The following BDP1 variants were observed in gnomAD, a reference collection of about 807,000 sequenced individuals.
The protein encoded by BDP1 is transcription factor TFIIIB component B'' homolog.
In BDP1, 169 loss-of-function variants were observed where a neutral mutation model predicts 266.6. The ratio of observed to expected loss-of-function variants is 0.63; its 90% CI spans 0.56 to 0.72. BDP1 has a LOEUF of 0.72. Ranked by LOEUF, BDP1 falls within the 30% of genes least tolerant of loss-of-function variation. The probability of loss-of-function intolerance (pLI) is 0.00; values close to 1 mark genes in which losing one functional copy is unlikely to be tolerated. For synonymous variants in BDP1, 1,090 were observed against 1,022.4 expected, an observed-to-expected ratio of 1.07 and a Z score of -1.26; for missense variants, 3,015 against 3,053.8, an observed-to-expected ratio of 0.99 and a Z score of 0.30.
chr5:71,467,579 A>G, intron 6 of BDP1, 92 bp downstream of exon 6: 1 of 1,044,336 alleles, frequency 9.6e-7, no homozygotes, highest in Non-Finnish European at 1.4e-6. Flanking sequence ...AAGTACATAA[A>G]ATGCAAACTA....
intron 32 of BDP1, among the ~76,000 whole-genome samples, chr5:71,546,772 A>G (rs1742349638): frequency 6.6e-6 from 1 of 152,124 alleles, no homozygotes; most frequent in Non-Finnish European, 1.5e-5. Flanking sequence ...TTACTACACT[A>G]TTTAACATTG....
intron 34 of BDP1, among the ~76,000 whole-genome samples, chr5:71,552,555 C>T (rs991448103): frequency 4.6e-5 from 7 of 152,260 alleles, no homozygotes; most frequent in Non-Finnish European, 8.8e-5. Context: ...AACAAGACTC[C>T]GTCTGCAATC....
rs1010007700 is a variant in BDP1 at position 71,551,698 on chromosome 5, G to T, written c.6996-1418G>T. Among the ~76,000 whole-genome samples the T allele has an allele frequency of 2.0e-5, 3 of 151,722 alleles. No homozygotes were observed. The East Asian group carries it at 5.9e-4, about 30-fold the overall frequency. On this transcript the variant is annotated intron_variant, in intron 34 of 38. Coordinates refer to ENST00000358731, the MANE Select transcript of BDP1 (RefSeq NM_018429.3). ...CCAGCAGGGGCGGCCGGGCAGAGGC[G>T]CCCCTCACTTCCCAGCAGGGGCGGC...
intron 36 of BDP1, among the ~76,000 whole-genome samples, chr5:71,557,137 A>G (rs1743274908): frequency 6.6e-6 from 1 of 152,190 alleles, no homozygotes; most frequent in African/African-American, 2.4e-5. Context: ...GTTGAAGACT[A>G]TGTGGCTACA....
intron 11 of BDP1, among the ~76,000 whole-genome samples, chr5:71,493,252 A>G (rs976330518): frequency 6.6e-6 from 1 of 152,164 alleles, no homozygotes; most frequent in African/African-American, 2.4e-5. Context: ...GACTTTTTCT[A>G]ATTTTTAAAA....
At chr5:71,572,427 G>A (rs1028127076), downstream of BDP1, among the ~76,000 whole-genome samples, 1 of 152,202 alleles carries the variant, frequency 6.6e-6, no homozygotes, top group Non-Finnish European at 1.5e-5. Flanking sequence ...AAGAATGTCT[G>A]CTAGAGCAGA....
chr5:71,563,475 G>A (rs1166301212), intron 38 of BDP1, among the ~76,000 whole-genome samples: 1 of 152,038 alleles, frequency 6.6e-6, no homozygotes, highest in Non-Finnish European at 1.5e-5. Context: ...AAGGCCCTTT[G>A]TGATAAAGAT....
rs1764457093 is a variant in BDP1 at position 71,504,516 on chromosome 5, T to A, written c.2242-105T>A. 7.1e-6 allele frequency: 7 copies of A among 986,826 alleles called. No homozygotes were observed. In the South Asian group the frequency reaches 1.1e-4, roughly 15 times the overall value. 61.1% of individuals were successfully genotyped at this position (986,826 alleles called of 1,614,324 possible). ...GTATTTTAAAGTCTCCATTTTATAA[T>A]GTTGAATTTTTTACCATTTTATACT... On this transcript the variant is annotated intron_variant, in intron 15 of 38. Transcript: ENST00000358731.
chr5:71,509,893 G>A lies in BDP1; in HGVS notation c.2801G>A (p.Arg934Lys). 1 of 1,614,062 alleles carries A rather than the reference G, an allele frequency of 6.2e-7. No homozygotes were observed. The highest frequency in any genetic ancestry group is 1.1e-5 in the South Asian group (1 of 91,082). The change falls in exon 17 of 39, where the codon AGA (arginine) becomes AAA (lysine). Residue 934 changes from arginine to lysine, a missense_variant. Arg to Lys is a conservative substitution (Grantham distance 26). Around this residue, in one of 3 missense-constraint regions of BDP1, gnomAD observed 2,383 missense variants for 2,404.9 expected, o/e 0.99. Coordinates refer to ENST00000358731, the MANE Select transcript of BDP1 (RefSeq NM_018429.3). Reference protein sequence around the residue: ...EIDKDLEEAGRREISPQKNGP... With the variant: ...EIDKDLEEAGKREISPQKNGP... ...GACAAAGATTTGGAAGAAGCTGGAA[G>A]AAGAGAAATATCCCCACAGAAAAAT...
intron 7 of BDP1, among the ~76,000 whole-genome samples, chr5:71,480,372 G>C (rs1388622171): frequency 1.4e-5 from 2 of 141,396 alleles, no homozygotes; most frequent in African/African-American, 5.3e-5. Context: ...TTGACCTTGT[G>C]ATCCACCCGC....
chr5:71,531,959 A>T (rs571196702), intron 25 of BDP1, among the ~76,000 whole-genome samples: 1 of 152,318 alleles, frequency 6.6e-6, no homozygotes, highest in East Asian at 1.9e-4. Flanking sequence ...ATCCCTGTAC[A>T]CCTAGCCTTC....
At chr5:71,526,783 G>A (rs895941573) in intron 25 of BDP1, among the ~76,000 whole-genome samples, 1 of 150,346 alleles carries the variant, frequency 6.7e-6, no homozygotes, top group African/African-American at 2.4e-5. Flanking sequence ...CACCTCCCAG[G>A]TTTAAGTGAT....
At position 71,532,403 on chromosome 5, in the gene BDP1, A is replaced by G; in HGVS notation, c.5868A>G (p.Gln1956=). The G allele has an allele frequency of 6.2e-7, 1 of 1,613,700 alleles. No individual in the cohort carries two copies. The highest frequency in any genetic ancestry group is 1.7e-4 in the Middle Eastern group (1 of 6,036). Residue 1956 remains glutamine, a synonymous_variant, in exon 26 of 39, where the codon CAA becomes CAG. Coordinates refer to ENST00000358731, the MANE Select transcript of BDP1 (RefSeq NM_018429.3). ...ATGTGACTACTGAAGAAATGAAACA[A>G]GAAGAAAATTTGAGTGTACCGTTTG... The part of the protein sequence containing the change: ...NTDVTTEEMK[Q]EENLSVPFEM...
chr5:71,557,424 A>G (rs55793523), intron 36 of BDP1, among the ~76,000 whole-genome samples: 110,988 of 139,336 alleles, frequency 0.8, 44,545 homozygotes, highest in East Asian at 0.88. Context: ...TCGCTCTGTC[A>G]CCCAGGCTGG....
intron 15 of BDP1, 50 bp downstream of exon 15, chr5:71,502,841 C>T (rs751047413): frequency 1.4e-6 from 2 of 1,418,906 alleles, no homozygotes; most frequent in Non-Finnish European, 9.8e-7. Flanking sequence ...GTACATGAGC[C>T]TTAATATAAG....
chr5:71,517,183 G>A, intron 21 of BDP1, 139 bp from the exon 22 acceptor site: 1 of 717,734 alleles, frequency 1.4e-6, no homozygotes, highest in Non-Finnish European at 2.2e-6. Flanking sequence ...GCAGTATGAT[G>A]AGACTATCTC....
At chr5:71,549,341 T>A (rs2111914357) in intron 33 of BDP1, 79 bp from the exon 34 acceptor site, 1 of 1,187,566 alleles carries the variant, frequency 8.4e-7, no homozygotes, top group East Asian at 2.6e-5. Context: ...AGACTGTCTT[T>A]TTAGAAATGA....
At position 71,502,582 on chromosome 5, in the gene BDP1, T is replaced by C. The variant is rs373650680; in HGVS notation, c.2049-17T>C. Reference sequence around the variant, plus strand: ...GACTTCAAAATAAACATTAATTTTATTTCTTTGTGGTTCTAGTTTGGGTGA... The same window carrying C: ...GACTTCAAAATAAACATTAATTTTACTTCTTTGTGGTTCTAGTTTGGGTGA... On this transcript the variant is annotated splice_polypyrimidine_tract_variant and intron_variant, in intron 14 of 38. Transcript: ENST00000358731. 5 of 1,567,162 alleles carry C rather than the reference T, an allele frequency of 3.2e-6. No individual in the cohort carries two copies. The highest frequency in any genetic ancestry group is 4.3e-6 in the Non-Finnish European group (5 of 1,159,996).
At chr5:71,547,565 G>A (rs564937776) in intron 32 of BDP1, among the ~76,000 whole-genome samples, 16 of 152,242 alleles carry the variant, frequency 1.1e-4, no homozygotes, top group South Asian at 2.1e-4. Flanking sequence ...TGAGACCAAC[G>A]CAGCAAGCTG....
Sources: allele counts gnomAD v4.1 joint callset (sites outside exome capture counted in the v4.1 genomes callset), GRCh38; gene constraint gnomAD v4.1.1; regional missense constraint gnomAD v4.1.1; transcripts MANE v1.5; gene names NCBI Gene and HGNC (gene_info 2026-07-23, HGNC 2026-07-21).